The following MEFV variants were observed in gnomAD, a reference collection of about 807,000 sequenced individuals.
MEFV encodes pyrin.
MEFV carries 60 observed loss-of-function variants against 62.5 expected under a neutral mutation model. The observed-to-expected ratio is 0.96, with a 90% CI of 0.78 to 1.19. The LOEUF is 1.19. Ranked by LOEUF, MEFV falls within the 50% of genes most tolerant of loss-of-function variation. The pLI, the probability that MEFV is intolerant of heterozygous loss-of-function variation, is 0.00. For synonymous variants in MEFV, 500 were observed against 415.2 expected, an observed-to-expected ratio of 1.20 and a Z score of -2.48; for missense variants, 1,169 against 1,004.5, an observed-to-expected ratio of 1.16 and a Z score of -2.21.
At chr16:3,246,405 G>C (rs1958942990) in intron 6 of MEFV, 120 bp downstream of exon 6, 4 of 1,117,354 alleles carry the variant, frequency 3.6e-6, no homozygotes, top group East Asian at 5.0e-5. Context: ...AAAAAAGGAG[G>C]AGTCTGGAAT....
In MEFV at chr16:3,243,077, G is replaced by T; in HGVS notation, c.*64C>A. The T allele has an allele frequency of 6.4e-7, 1 of 1,560,250 alleles. No individual in the cohort carries two copies. The highest frequency in any genetic ancestry group is 1.1e-5 in the South Asian group (1 of 89,682). ...AGCTAGCACCTAGTCGGCATTCCGT[G>T]ACTATTGAGTGTGAATGCAAGATAC... On this transcript the variant is annotated 3_prime_UTR_variant, in exon 10 of 10. Coordinates refer to ENST00000219596, the MANE Select transcript of MEFV (RefSeq NM_000243.3).
In MEFV at chr16:3,246,519, C is replaced by CTGTGCAAGATGTCTCCT; in HGVS notation, c.1610+5_1610+6insAGGAGACATCTTGCACA. On this transcript the variant is annotated splice_donor_region_variant and intron_variant, in intron 6 of 9. Coordinates refer to ENST00000219596, the MANE Select transcript of MEFV (RefSeq NM_000243.3). ...CCCCAGGGTACACCACAGGACCTCG[C>CTGTGCAAGATGTCTCCT]TGTACCTGTGCAAGATGTCTCCAAT... 1 of 1,614,114 alleles carries CTGTGCAAGATGTCTCCT rather than the reference C, an allele frequency of 6.2e-7. No homozygotes were observed. Among genetic ancestry groups the CTGTGCAAGATGTCTCCT allele is most frequent in the Non-Finnish European group, 8.5e-7 (1 of 1,179,994 alleles).
chr16:3,252,134 A>G (rs562801662), intron 2 of MEFV: 5 of 202,860 alleles, frequency 2.5e-5, no homozygotes, highest in Non-Finnish European at 5.4e-5. Context: ...TCAGGTCACT[A>G]TTCCTAAGGA....
chr16:3,246,083 A>G (rs11466037), intron 6 of MEFV, among the ~76,000 whole-genome samples: 2 of 152,146 alleles, frequency 1.3e-5, no homozygotes, highest in Non-Finnish European at 2.9e-5. Flanking sequence ...GGATTTTGTA[A>G]AGCTCCCAGG....
At chr16:3,246,918 C>G in intron 5 of MEFV, 98 bp downstream of exon 5, 2 of 1,190,334 alleles carry the variant, frequency 1.7e-6, no homozygotes, top group Admixed American at 3.6e-5. Context: ...TTAGGGGCTT[C>G]ACCCACTTGT....
intron 6 of MEFV, among the ~76,000 whole-genome samples, chr16:3,245,225 C>T (rs770430364): frequency 3.3e-5 from 5 of 151,650 alleles, no homozygotes; most frequent in Non-Finnish European, 7.4e-5. Flanking sequence ...GAAGCTGAGC[C>T]TGCAGTGAGC....
intron 1 of MEFV, 73 bp from the exon 2 acceptor site, chr16:3,254,863 G>A: frequency 1.9e-6 from 3 of 1,599,518 alleles, no homozygotes; most frequent in East Asian, 2.2e-5. Context: ...GCAGAGGAGA[G>A]AGAATCCCCT....
chr16:3,244,228 G>A (rs756412253), intron 8 of MEFV, 26 bp downstream of exon 8: 9 of 1,613,794 alleles, frequency 5.6e-6, no homozygotes, highest in Non-Finnish European at 7.6e-6. Flanking sequence ...CCCCAGGCCA[G>A]CACACACCAT....
At chr16:3,247,345 G>A in intron 4 of MEFV, 99 bp from the exon 5 acceptor site, 1 of 1,021,020 alleles carries the variant, frequency 9.8e-7, no homozygotes, top group Non-Finnish European at 1.5e-6. Flanking sequence ...GTGGATAAGA[G>A]GTGGGCTTAT....
Position 3,254,757 on chromosome 16 carries a change from G to A in MEFV, c.311C>T (p.Ser104Phe). 1 of 1,612,746 alleles carries A rather than the reference G, an allele frequency of 6.2e-7. No individual in the cohort carries two copies. Among genetic ancestry groups the A allele is most frequent in the Non-Finnish European group, 8.5e-7 (1 of 1,180,028 alleles). Residue 104 changes from serine to phenylalanine, a missense_variant, in exon 2 of 10, where the codon TCC (serine) becomes TTC (phenylalanine). Coordinates refer to ENST00000219596, the MANE Select transcript of MEFV (RefSeq NM_000243.3). ...YSTQENGTDD[S>F]AASSSLGENK... ...CTCCCCCAGGGAGCTGGACGCTGCG[G>A]AATCATCTGTGCCGTTTTCTTGTGT...
chr16:3,243,291 G>C lies in MEFV; in HGVS notation c.2196C>G (p.Tyr732Ter). The C allele has an allele frequency of 6.2e-7, 1 of 1,614,188 alleles. No homozygotes were observed. ...AGATGTGGGATCTGGCTGTCACATTGTAAAAGGAGATGCTTCCAACTCTGT... is the reference window on the plus strand; with the variant it reads ...AGATGTGGGATCTGGCTGTCACATTCTAAAAGGAGATGCTTCCAACTCTGT... ...VDYRVGSISFYNVTARSHIYT... is the reference protein window; with the variant it reads ...VDYRVGSISF The change falls in exon 10 of 10, where the codon TAC (tyrosine) becomes TAG (stop). Residue 732 changes from tyrosine (Y) to a stop codon, truncating the protein, a stop_gained. Coordinates refer to ENST00000219596, the MANE Select transcript of MEFV (RefSeq NM_000243.3). LOFTEE classifies it low-confidence loss of function (END_TRUNC).
Position 3,254,485 on chromosome 16 carries a change from C to T in MEFV, c.583G>A (p.Glu195Lys), listed in dbSNP as rs1959085139. The change falls in exon 2 of 10, where the codon GAG (glutamate) becomes AAG (lysine). Residue 195 changes from glutamate (E) to lysine (K), a missense_variant. Physicochemically the swap from Glu to Lys is moderately conservative, Grantham distance 56 (BLOSUM62 1). Coordinates refer to ENST00000219596, the MANE Select transcript of MEFV (RefSeq NM_000243.3). Reference protein sequence around the residue: ...GRSPGPCRALEGGQAEVRLRR... With the variant: ...GRSPGPCRALKGGQAEVRLRR... ...AGCCGGACCTCGGCCTGGCCCCCCT[C>T]TAGCGCCCTGCAGGGGCCGGGGCTT... 2.5e-6 allele frequency: 4 copies of T among 1,588,942 alleles called. No homozygotes were observed. In the African/African-American group the frequency reaches 4.0e-5, roughly 16 times the overall value.
chr16:3,254,611 G>T lies in MEFV; in HGVS notation c.457C>A (p.Leu153Met). The change falls in exon 2 of 10, where the codon CTG becomes ATG. Residue 153 changes from leucine to methionine, a missense_variant. Leu to Met is a conservative substitution (Grantham distance 15). Transcript: ENST00000219596. ...CGTTTGCTCAGGGGCTTCCTCGACAGCCCCCTCCCGGCCTCGGGCTGGCTG... is the reference window on the plus strand; with the variant it reads ...CGTTTGCTCAGGGGCTTCCTCGACATCCCCCTCCCGGCCTCGGGCTGGCTG... ...RCSQPEAGRG[L>M]SRKPLSKRRE... 1 of 1,601,970 alleles carries T rather than the reference G, an allele frequency of 6.2e-7. No individual in the cohort carries two copies. The highest frequency in any genetic ancestry group is 8.5e-7 in the Non-Finnish European group (1 of 1,176,502).
intron 6 of MEFV, among the ~76,000 whole-genome samples, chr16:3,244,973 T>A (rs372718661): frequency 2.0e-4 from 31 of 152,126 alleles, no homozygotes; most frequent in East Asian, 9.6e-4. Flanking sequence ...TTAGAATGGC[T>A]ATTATAAAAA....
intron 4 of MEFV, 172 bp from the exon 5 acceptor site, chr16:3,247,418 A>C: frequency 1.6e-6 from 1 of 616,066 alleles, no homozygotes; most frequent in African/African-American, 1.8e-5. Flanking sequence ...CTTCCAGAAA[A>C]GACTGAGCAT....
chr16:3,251,472 G>C (rs1959030998), intron 2 of MEFV, among the ~76,000 whole-genome samples: 1 of 152,162 alleles, frequency 6.6e-6, no homozygotes, highest in Non-Finnish European at 1.5e-5. Flanking sequence ...CCAGGGTCCT[G>C]GCCCACGGAT....
rs104895115 is a variant in MEFV, at chr16:3,243,567, G to A, written c.1920C>T (p.Ile640=). Residue 640 remains isoleucine, a synonymous_variant, in exon 10 of 10, where the codon ATC becomes ATT. Transcript: ENST00000219596. ...GGAAACTCGGAGAGCCCAGAACAAT[G>A]ATACAGCTGTCAAATCTTTGCGGGC... ...PDGPQRFDSC[I]IVLGSPSFLS... 3.1e-6 allele frequency: 5 copies of A among 1,609,854 alleles called. No homozygotes were observed. The East Asian group carries it at 8.9e-5, about 29-fold the overall frequency.
rs11466022 is a variant in MEFV at position 3,249,599 on chromosome 16, C to A, written c.1092G>T (p.Pro364=). The A allele has an allele frequency of 2.1e-4, 346 of 1,614,132 alleles. 1 individual carries two copies. The African/African-American group carries it at 4.1e-3, about 19-fold the overall frequency. ...RCQDSHERKS[P]GSLSPQPLPQ... ...GCAGGGGCTGGGGGCTTAGGCTTCC[C>A]GGGCTCTTCCTTTCATGGGAGTCCT... Residue 364 remains proline (P), a synonymous_variant, in exon 3 of 10, where the codon CCG becomes CCT. Coordinates refer to ENST00000219596, the MANE Select transcript of MEFV (RefSeq NM_000243.3).
Position 3,243,191 on chromosome 16 carries a change from T to G in MEFV, c.2296A>C (p.Asn766His), listed in dbSNP as rs148707371. The G allele has an allele frequency of 6.2e-6, 10 of 1,613,946 alleles. No individual in the cohort carries two copies. The highest frequency in any genetic ancestry group is 8.5e-6 in the Non-Finnish European group (10 of 1,180,038). ...GGACAGATAGTCAGAGGAGCTGTGT[T>G]CTTCCCTCCATCACGTGTCCCAGGG... ...FSPGTRDGGK[N>H]TAPLTICPVG... Residue 766 changes from asparagine (N) to histidine (H), a missense_variant, in exon 10 of 10, where the codon AAC (asparagine) becomes CAC (histidine). Physicochemically the swap from Asn to His is moderately conservative, Grantham distance 68 (BLOSUM62 1). Transcript: ENST00000219596.
Sources: allele counts gnomAD v4.1 joint callset (sites outside exome capture counted in the v4.1 genomes callset), GRCh38; gene constraint gnomAD v4.1.1; transcripts MANE v1.5; gene names NCBI Gene and HGNC (gene_info 2026-07-23, HGNC 2026-07-21).